The following DNM2 variants were observed in gnomAD, a reference collection of about 807,000 sequenced individuals.
DNM2 encodes the protein dynamin 2.
In DNM2, 15 loss-of-function variants were observed where a neutral mutation model predicts 99.0. That is an observed-to-expected ratio of 0.15 (90% CI 0.10 to 0.23). The LOEUF (loss-of-function observed/expected upper bound fraction) is 0.23, where lower values mean the gene tolerates loss of function less well. Ranked by LOEUF, DNM2 falls within the 10% of genes least tolerant of loss-of-function variation. DNM2 has a pLI of 1.00. For synonymous variants in DNM2, 525 were observed against 481.2 expected (o/e 1.09, Z -1.19); for missense variants, 742 against 1,189.4 (o/e 0.62, Z 5.53).
Position 10,772,532 on chromosome 19 carries a change from G to A in DNM2, c.289G>A (p.Val97Ile). ...CAAAAAGTTTACAGACTTTGATGAA[G>A]TCCGGCAGGAGATTGAAGCAGAGAC... ...KSKKFTDFDE[V>I]RQEIEAETDR... The change falls in exon 3 of 21, where the codon GTC becomes ATC. Residue 97 changes from valine (V) to isoleucine (I), a missense_variant. Transcript: ENST00000389253. This position sits in a 1 kb window ranked among gnomAD's most constrained non-coding sequence, Gnocchi z 4.9. 6.2e-7 allele frequency: 1 copy of A among 1,614,172 alleles called. No individual in the cohort carries two copies. Among genetic ancestry groups the A allele is most frequent in the South Asian group, 1.1e-5 (1 of 91,088 alleles).
At chr19:10,729,859 G>A (rs995719276) in intron 1 of DNM2, among the ~76,000 whole-genome samples, 4 of 151,820 alleles carry the variant, frequency 2.6e-5, no homozygotes, top group Admixed American at 6.6e-5. Flanking sequence ...GCACCATTAT[G>A]GGTGGTTATT....
chr19:10,737,215 C>T (rs987932933), intron 1 of DNM2, among the ~76,000 whole-genome samples: 5 of 152,194 alleles, frequency 3.3e-5, no homozygotes, highest in Admixed American at 6.6e-5. Context: ...GTCCCTGAGG[C>T]TCCATGATGT....
intron 1 of DNM2, among the ~76,000 whole-genome samples, chr19:10,758,957 T>A (rs76639864): frequency 6.6e-6 from 1 of 152,104 alleles, no homozygotes; most frequent in Non-Finnish European, 1.5e-5. Flanking sequence ...CTTTTTTTTT[T>A]CCCACACAGA....
At chr19:10,729,176 A>AT (rs1388736606) in intron 1 of DNM2, among the ~76,000 whole-genome samples, 14 of 125,304 alleles carry the variant, frequency 1.1e-4, no homozygotes, top group South Asian at 1.0e-3. Flanking sequence ...AAAAAAAAAA[A>AT]AAAAAAAAAA....
rs564220587 is a variant in DNM2 at position 10,724,259 on chromosome 19, C to G, written c.161+5856C>G. On this transcript the variant is annotated intron_variant, in intron 1 of 20. Coordinates refer to ENST00000389253, the MANE Select transcript of DNM2 (RefSeq NM_001005361.3). ...GTCACGCGATCTCGGCTCACTGCAA[C>G]CTCCGCCTCCCAGGTTCACGCCATT... 3.5e-4 allele frequency among the ~76,000 whole-genome samples: 54 copies of G among 152,222 alleles called. 1 individual carries two copies. Among genetic ancestry groups the G allele is most frequent in the Middle Eastern group, 6.8e-3 (2 of 292 alleles).
Position 10,830,569 on chromosome 19 carries a change from C to T in DNM2, c.2543+191C>T, listed in dbSNP as rs576803611. The T allele has an allele frequency of 1.1e-5, 8 of 727,234 alleles. No homozygotes were observed. Among genetic ancestry groups the T allele is most frequent in the Admixed American group, 5.8e-5 (2 of 34,518 alleles). 45.0% of individuals were successfully genotyped at this position (727,234 alleles called of 1,614,324 possible). ...AGGCTTGTTCAGTGTCACAGAGTAG[C>T]GGAGCCCTGGTGACTCCGGGGCTCC... On this transcript the variant is annotated intron_variant, in intron 20 of 20. Coordinates refer to ENST00000389253, the MANE Select transcript of DNM2 (RefSeq NM_001005361.3). The surrounding 1 kb of genome is among the most constrained non-coding windows in gnomAD (Gnocchi z 4.8).
chr19:10,825,259 G>T (rs200170967), intron 18 of DNM2, 38 bp downstream of exon 18: 2 of 1,611,636 alleles, frequency 1.2e-6, no homozygotes, highest in East Asian at 2.2e-5. Flanking sequence ...AGGTAGCTGG[G>T]TGCGGTGGCT....
intron 18 of DNM2, among the ~76,000 whole-genome samples, chr19:10,825,502 C>A (rs917478921): frequency 2.0e-5 from 3 of 152,064 alleles, no homozygotes; most frequent in Non-Finnish European, 4.4e-5. Context: ...AACCCCATCT[C>A]TACTAAATAT....
chr19:10,722,706 G>T (rs2068979063), intron 1 of DNM2, among the ~76,000 whole-genome samples: 1 of 151,340 alleles, frequency 6.6e-6, no homozygotes, highest in Non-Finnish European at 1.5e-5. Context: ...GCTCACTGCA[G>T]CCTTGACCTC....
chr19:10,761,725 G>T (rs527383446), intron 2 of DNM2, among the ~76,000 whole-genome samples: 1 of 152,296 alleles, frequency 6.6e-6, no homozygotes, highest in African/African-American at 2.4e-5. Flanking sequence ...CATCCAGGCA[G>T]ATCTGACCTC....
At position 10,729,257 on chromosome 19, in the gene DNM2, G is replaced by A. The variant is rs562671275; in HGVS notation, c.161+10854G>A. ...CCAGCTACTCGGGAGGCTGAGGCAG[G>A]AGAATTACTTGAAGGTTGCAGTGAT... On this transcript the variant is annotated intron_variant, in intron 1 of 20. Coordinates refer to ENST00000389253, the MANE Select transcript of DNM2 (RefSeq NM_001005361.3). 2.2e-3 allele frequency among the ~76,000 whole-genome samples: 330 copies of A among 151,690 alleles called. 1 individual carries two copies. Among genetic ancestry groups the A allele is most frequent in the Non-Finnish European group, 3.7e-3 (250 of 67,940 alleles).
intron 7 of DNM2, among the ~76,000 whole-genome samples, chr19:10,792,489 T>C (rs374864798): frequency 2.6e-5 from 4 of 152,366 alleles, no homozygotes; most frequent in East Asian, 1.9e-4. Flanking sequence ...ACGATGCCAA[T>C]AGGCAATGCT....
In DNM2 at chr19:10,795,525, C is replaced by A; in HGVS notation, c.1196+86C>A. ...AATTGGGTCACCCACACCTCTGAGT[C>A]CCTAATCGTTAGGCCTTAAGAGGGC... On this transcript the variant is annotated intron_variant, in intron 9 of 20. Coordinates refer to ENST00000389253, the MANE Select transcript of DNM2 (RefSeq NM_001005361.3). This position sits in a 1 kb window ranked among gnomAD's most constrained non-coding sequence, Gnocchi z 4.2. 1.3e-6 allele frequency: 2 copies of A among 1,498,888 alleles called. No individual in the cohort carries two copies. The highest frequency in any genetic ancestry group is 1.9e-6 in the Non-Finnish European group (2 of 1,078,618). 92.8% of individuals were successfully genotyped at this position (1,498,888 alleles called of 1,614,324 possible).
chr19:10,810,379 G>A (rs772502608), intron 14 of DNM2: 1 of 152,494 alleles, frequency 6.6e-6, no homozygotes, highest in Non-Finnish European at 1.5e-5. Flanking sequence ...CTCACAAGTG[G>A]TGGATGGCTA....
At position 10,796,532 on chromosome 19, in the gene DNM2, C is replaced by G. The variant is rs908385483; in HGVS notation, c.1197-848C>G. The stretch of plus-strand genomic sequence containing the variant: ...TCCTGGGAAGCAGAGAGGGACCCCC[C>G]GCGTCAACTGCTGGAGGCTGAGCTC... On this transcript the variant is annotated intron_variant, in intron 9 of 20. Coordinates refer to ENST00000389253, the MANE Select transcript of DNM2 (RefSeq NM_001005361.3). This position sits in a 1 kb window ranked among gnomAD's most constrained non-coding sequence, Gnocchi z 5.6. 1.3e-5 allele frequency among the ~76,000 whole-genome samples: 2 copies of G among 152,146 alleles called. No individual in the cohort carries two copies. The highest frequency in any genetic ancestry group is 2.9e-5 in the Non-Finnish European group (2 of 68,004).
In DNM2 at chr19:10,831,255, AG is replaced by A. The variant is rs2073341381; in HGVS notation, c.*213del. 7.6e-7 allele frequency: 1 copy of A among 1,323,734 alleles called. No individual in the cohort carries two copies. The highest frequency in any genetic ancestry group is 9.6e-7 in the Non-Finnish European group (1 of 1,040,622). 82.0% of individuals were successfully genotyped at this position (1,323,734 alleles called of 1,614,324 possible). On this transcript the variant is annotated 3_prime_UTR_variant, in exon 21 of 21. Transcript: ENST00000389253. This position sits in a 1 kb window ranked among gnomAD's most constrained non-coding sequence, Gnocchi z 4.3. ...GCAAAGGGGCCCTGGAGCTCCAGGC[AG>A]GGGGCGCTGGGGTGTTGCACTTTGG...
At chr19:10,823,667 G>T in intron 16 of DNM2, 121 bp from the exon 17 acceptor site, 1 of 913,694 alleles carries the variant, frequency 1.1e-6, no homozygotes, top group Non-Finnish European at 1.8e-6. Context: ...ACCAGGTGAA[G>T]CCTGGGTTGG....
At chr19:10,767,285 T>C (rs939829351) in intron 2 of DNM2, among the ~76,000 whole-genome samples, 11 of 152,034 alleles carry the variant, frequency 7.2e-5, no homozygotes, top group African/African-American at 2.7e-4. Flanking sequence ...AGGCCCAGGC[T>C]AGGCCCTCCA....
rs1298959516 is a variant in DNM2, at chr19:10,811,506, G to C, written c.1558-758G>C. 5.6e-6 allele frequency: 2 copies of C among 359,156 alleles called. No homozygotes were observed. Among genetic ancestry groups the C allele is most frequent in the Non-Finnish European group, 1.1e-5 (2 of 181,758 alleles). The allele number at this position is 359,156 out of a possible 1,614,324, so 22.2% of individuals were successfully genotyped here. A position where few individuals can be genotyped will look rare whatever the true frequency, so the allele number is the denominator to read the frequency against. On this transcript the variant is annotated intron_variant, in intron 14 of 20. Coordinates refer to ENST00000389253, the MANE Select transcript of DNM2 (RefSeq NM_001005361.3). The surrounding 1 kb of genome is among the most constrained non-coding windows in gnomAD (Gnocchi z 5.4). ...CACCCTTTGTAGCTTGGCCAAGTCT[G>C]TCAGTGCCTGGGTCCCAGGCCGCCC... is the stretch of plus-strand genomic sequence containing the variant.
Sources: gnomAD v4.1 joint callset for allele counts (sites outside exome capture counted in the v4.1 genomes callset) on GRCh38, gnomAD v4.1.1 for gene constraint, Gnocchi (gnomAD v3.1) non-coding constraint, MANE v1.5 for transcripts, NCBI Gene and HGNC (gene_info 2026-07-23, HGNC 2026-07-21) for gene names.